Variants in MAP3K21 observed in about 807,000 individuals in gnomAD.
MAP3K21 encodes the protein mitogen-activated protein kinase kinase kinase 21, also known as mitogen-activated protein kinase kinase kinase MLK4.
A neutral mutation model predicts 86.1 loss-of-function variants in MAP3K21; 63 were observed. The ratio of observed to expected loss-of-function variants is 0.73; its 90% CI spans 0.60 to 0.90. The LOEUF is 0.90. MAP3K21 is among the 40% of genes least tolerant of loss of function. The pLI is 0.00. For synonymous variants in MAP3K21, 558 were observed against 564.8 expected (o/e 0.99, Z 0.17); for missense variants, 1,220 against 1,367.7 (o/e 0.89, Z 1.70).
Position 233,354,067 on chromosome 1 carries a change from T to C in MAP3K21, c.1135+112T>C. 3 of 1,188,864 alleles carry C rather than the reference T, an allele frequency of 2.5e-6. No individual in the cohort carries two copies. The East Asian group carries it at 8.1e-5, about 32-fold the overall frequency. 73.6% of individuals were successfully genotyped at this position (1,188,864 alleles called of 1,614,324 possible). On this transcript the variant is annotated intron_variant, in intron 3 of 9. Transcript: ENST00000366624. ...TGTGACTCTAATTTCCAAGTACTTT[T>C]AAGTAACCCTAGTATTTTAAGAATT...
rs1350727140 is a variant in MAP3K21 at position 233,375,981 on chromosome 1, G to T, written c.1741G>T (p.Asp581Tyr). The change falls in exon 7 of 10, where the codon GAT (aspartate) becomes TAT (tyrosine). Residue 581 changes from aspartate (D) to tyrosine (Y), a missense_variant. Asp to Tyr is a radical substitution (Grantham distance 160). This residue lies in a region of MAP3K21 where 632 missense variants were observed against 691.3 expected (regional missense o/e 0.91). Coordinates refer to ENST00000366624, the MANE Select transcript of MAP3K21 (RefSeq NM_032435.3). ...AGTCTTTCGACAAGAAGAATTTGAG[G>T]ATGTAAAAAGGAATTTTAAGAAAAA... is the stretch of plus-strand genomic sequence containing the variant. Reference protein sequence around the residue: ...NTVFRQEEFEDVKRNFKKKGC... With the variant: ...NTVFRQEEFEYVKRNFKKKGC... 1 of 1,608,576 alleles carries T rather than the reference G, an allele frequency of 6.2e-7. No individual in the cohort carries two copies. The highest frequency in any genetic ancestry group is 2.2e-5 in the East Asian group (1 of 44,736).
At chr1:233,376,129 A>G in intron 7 of MAP3K21, 63 bp downstream of exon 7, 1 of 1,379,840 alleles carries the variant, frequency 7.2e-7, no homozygotes, top group South Asian at 1.3e-5. Flanking sequence ...CTGTGTTAAT[A>G]TCACATCAGC....
intron 4 of MAP3K21, 136 bp from the exon 5 acceptor site, chr1:233,361,917 A>AT: frequency 9.1e-7 from 1 of 1,097,596 alleles, no homozygotes; most frequent in East Asian, 2.6e-5. Context: ...GGGCTTGAGC[A>AT]GAGGAAGAGG....
intron 2 of MAP3K21, among the ~76,000 whole-genome samples, chr1:233,347,571 C>T (rs1294263): frequency 0.85 from 129,765 of 152,266 alleles, 55,426 homozygotes; most frequent in East Asian, 1. Flanking sequence ...AGTGGAATCA[C>T]GTCCTTTGCA....
rs529171352 is a variant in MAP3K21 at position 233,362,479 on chromosome 1, G to C, written c.1552+186G>C. Among the ~76,000 whole-genome samples the C allele has an allele frequency of 4.6e-4, 70 of 152,224 alleles. No individual in the cohort carries two copies. The South Asian group carries it at 0.014, about 31-fold the overall frequency. ...TAATGGCCTAATGAGATTCCATGTA[G>C]GAAACAGCATTAGGAGCACGTGGTA... On this transcript the variant is annotated intron_variant, in intron 5 of 9. Transcript: ENST00000366624.
rs777297213 is a variant in MAP3K21, at chr1:233,375,962, T to A, written c.1722T>A (p.Phe574Leu). The A allele has an allele frequency of 1.2e-6, 2 of 1,610,468 alleles. No individual in the cohort carries two copies. Among genetic ancestry groups the A allele is most frequent in the Non-Finnish European group, 1.7e-6 (2 of 1,178,964 alleles). Reference protein sequence around the residue: ...SNKTWGRNTVFRQEEFEDVKR... With the variant: ...SNKTWGRNTVLRQEEFEDVKR... ...AAACTTGGGGAAGGAACACAGTCTT[T>A]CGACAAGAAGAATTTGAGGATGTAA... Residue 574 changes from phenylalanine to leucine, a missense_variant, in exon 7 of 10, where the codon TTT becomes TTA. Physicochemically the swap from Phe to Leu is conservative, Grantham distance 22. Transcript: ENST00000366624.
intron 7 of MAP3K21, 152 bp from the exon 8 acceptor site, chr1:233,376,278 C>A: frequency 2.8e-6 from 2 of 709,210 alleles, no homozygotes; most frequent in South Asian, 1.8e-5. Flanking sequence ...GTCTCACTTT[C>A]AGGTATTATT....
intron 1 of MAP3K21, among the ~76,000 whole-genome samples, chr1:233,331,882 G>A (rs1226522338): frequency 6.6e-6 from 1 of 152,138 alleles, no homozygotes; most frequent in African/African-American, 2.4e-5. Context: ...GGTAGCAACA[G>A]GTTGAAAGTT....
chr1:233,379,221 C>T lies in MAP3K21; in HGVS notation c.2215C>T (p.Leu739Phe), dbSNP rs1450237505. The change falls in exon 9 of 10, where the codon CTC becomes TTC. Residue 739 changes from leucine (L) to phenylalanine (F), a missense_variant. Leu to Phe is a conservative substitution (Grantham distance 22). This residue lies in a region of MAP3K21 where 632 missense variants were observed against 691.3 expected (regional missense o/e 0.91). Transcript: ENST00000366624. ...GGCATCGGTGGCTCTGGGACTGGAC[C>T]TCAGAGAGCTTCATAAAGCACAGGC... ...LLASVALGLD[L>F]RELHKAQAAE... is the part of the protein sequence containing the mutation. The T allele has an allele frequency of 6.2e-7, 1 of 1,614,184 alleles. No individual in the cohort carries two copies. The highest frequency in any genetic ancestry group is 1.7e-5 in the Admixed American group (1 of 60,014).
At chr1:233,367,859 CA>C (rs5781742) in intron 5 of MAP3K21, among the ~76,000 whole-genome samples, 5,988 of 121,952 alleles carry the variant, frequency 0.049, 124 homozygotes, top group South Asian at 0.092. Flanking sequence ...GACTCCGTCT[CA>C]AAAAAAAAAA....
intron 4 of MAP3K21, among the ~76,000 whole-genome samples, chr1:233,359,185 T>C (rs1357540867): frequency 6.6e-6 from 1 of 152,228 alleles, no homozygotes; most frequent in Non-Finnish European, 1.5e-5. Context: ...AGTGAGTTCA[T>C]AATTATATGT....
chr1:233,346,778 CA>C lies in MAP3K21; in HGVS notation c.986+157del, dbSNP rs1663150257. ...CAAAATAATTGTAATGACAACGGAA[CA>C]GATAATTTGATGTTTGCATTGTCAT... On this transcript the variant is annotated intron_variant, in intron 2 of 9. Coordinates refer to ENST00000366624, the MANE Select transcript of MAP3K21 (RefSeq NM_032435.3). Among the ~76,000 whole-genome samples the C allele has an allele frequency of 3.3e-5, 5 of 152,248 alleles. No homozygotes were observed. The East Asian group carries it at 9.6e-4, about 29-fold the overall frequency.
intron 5 of MAP3K21, among the ~76,000 whole-genome samples, chr1:233,365,965 A>T (rs1292452991): frequency 6.6e-6 from 1 of 152,222 alleles, no homozygotes; most frequent in Non-Finnish European, 1.5e-5. Context: ...GGATGAATGA[A>T]TTAAGACAAT....
At chr1:233,377,923 G>T (rs1273429890) in intron 8 of MAP3K21, among the ~76,000 whole-genome samples, 1 of 152,098 alleles carries the variant, frequency 6.6e-6, no homozygotes, top group Non-Finnish European at 1.5e-5. Context: ...TTCACAATGG[G>T]GTTCATGCTC....
chr1:233,372,324 C>CCTTAGT (rs1663701255), intron 6 of MAP3K21, 164 bp downstream of exon 6: 1 of 765,834 alleles, frequency 1.3e-6, no homozygotes, highest in Non-Finnish European at 2.0e-6. Context: ...AGCATAGGTT[C>CCTTAGT]CTTAGTCTAA....
At chr1:233,378,146 T>A (rs893816848) in intron 8 of MAP3K21, among the ~76,000 whole-genome samples, 2 of 152,198 alleles carry the variant, frequency 1.3e-5, no homozygotes, top group Non-Finnish European at 2.9e-5. Flanking sequence ...CATGTTTAGG[T>A]ATACTAGGAT....
Position 233,328,787 on chromosome 1 carries a change from G to T in MAP3K21, c.759G>T (p.Glu253Asp). ...QIARGMLYLH[E>D]EAFVPILHRD... ...CGCGGGGCATGCTCTACCTGCATGA[G>T]GAGGCCTTCGTGCCCATCCTGCACC... The change falls in exon 1 of 10, where the codon GAG becomes GAT. Residue 253 changes from glutamate (E) to aspartate (D), a missense_variant. This residue lies in a region of MAP3K21 where 89 missense variants were observed against 144.8 expected (regional missense o/e 0.61). Transcript: ENST00000366624. This position sits in a 1 kb window ranked among gnomAD's most constrained non-coding sequence, Gnocchi z 8.7. 6.5e-7 allele frequency: 1 copy of T among 1,546,992 alleles called. No homozygotes were observed. Among genetic ancestry groups the T allele is most frequent in the Non-Finnish European group, 8.7e-7 (1 of 1,146,186 alleles).
rs890089976 is a variant in MAP3K21 at position 233,346,628 on chromosome 1, C to A, written c.986+6C>A. 3.1e-6 allele frequency: 5 copies of A among 1,611,984 alleles called. No homozygotes were observed. The African/African-American group carries it at 4.0e-5, about 13-fold the overall frequency. ...AAGGGAAGCGACATCTGGAGGTGAG[C>A]CTTTCCTTTTGCAAACATCGGCAGA... On this transcript the variant is annotated splice_donor_region_variant and intron_variant, in intron 2 of 9. Coordinates refer to ENST00000366624, the MANE Select transcript of MAP3K21 (RefSeq NM_032435.3).
At chr1:233,337,750 G>C (rs1427554435) in intron 1 of MAP3K21, among the ~76,000 whole-genome samples, 2 of 152,192 alleles carry the variant, frequency 1.3e-5, no homozygotes, top group African/African-American at 4.8e-5. Flanking sequence ...TTGGGTCAAG[G>C]TGGAGGCATA....
Sources: allele counts gnomAD v4.1 joint callset (sites outside exome capture counted in the v4.1 genomes callset), GRCh38; gene constraint gnomAD v4.1.1; regional missense constraint gnomAD v4.1.1; non-coding constraint Gnocchi (gnomAD v3.1); transcripts MANE v1.5; gene names NCBI Gene and HGNC (gene_info 2026-07-23, HGNC 2026-07-21).